HERC1: variants seen among roughly 807,000 people sequenced by gnomAD.
HERC1 encodes probable E3 ubiquitin-protein ligase HERC1.
HERC1 carries 160 observed loss-of-function variants against 554.3 expected under a neutral mutation model. That is an observed-to-expected ratio of 0.29 (90% CI 0.25 to 0.33). The LOEUF (loss-of-function observed/expected upper bound fraction) is 0.33. Among genes scored for constraint, HERC1 ranks in the 10% least tolerant of loss-of-function variants. HERC1 has a pLI of 1.00. For synonymous variants in HERC1, 2,175 were observed against 2,131.7 expected (o/e 1.02, Z -0.56); for missense variants, 4,919 against 5,918.5 (o/e 0.83, Z 5.54).
intron 1 of HERC1, among the ~76,000 whole-genome samples, chr15:63,829,478 A>AT (rs1491502172): frequency 0.34 from 20,584 of 60,688 alleles, 2,563 homozygotes; most frequent in Non-Finnish European, 0.41. Context: ...ATGTTTATAT[A>AT]AATATATATA....
intron 25 of HERC1, among the ~76,000 whole-genome samples, chr15:63,702,796 T>C (rs1337658098): frequency 2.0e-5 from 3 of 152,312 alleles, no homozygotes; most frequent in Non-Finnish European, 4.4e-5. Context: ...AAATGTTTCA[T>C]CCACCTCTTT....
chr15:63,669,591 C>T lies in HERC1; in HGVS notation c.8153G>A (p.Arg2718Lys). The change falls in exon 40 of 78, where the codon AGG becomes AAG. Residue 2718 changes from arginine (R) to lysine (K), a missense_variant. Physicochemically the swap from Arg to Lys is conservative, Grantham distance 26 (BLOSUM62 2). This residue lies in a region of HERC1 where 1,963 missense variants were observed against 2,228.6 expected (regional missense o/e 0.88). Transcript: ENST00000443617. ...GGAATCAGGAGAAGTTAAACTTTGC[C>T]TCCTTCCTACTTCATCAGAAGGAGA... The part of the protein sequence containing the change: ...PTSPSDEVGR[R>K]QSLTSPDSQS... The T allele has an allele frequency of 6.2e-7, 1 of 1,613,876 alleles. No individual in the cohort carries two copies. The highest frequency in any genetic ancestry group is 8.5e-7 in the Non-Finnish European group (1 of 1,179,774).
intron 68 of HERC1, among the ~76,000 whole-genome samples, chr15:63,631,245 G>C (rs767663156): frequency 1.8e-4 from 27 of 152,134 alleles, no homozygotes; most frequent in Non-Finnish European, 2.8e-4. Flanking sequence ...CTTCTAGAGG[G>C]TGCCAGCCAG....
At chr15:63,805,804 A>G (rs2077119963) in intron 1 of HERC1, among the ~76,000 whole-genome samples, 1 of 152,042 alleles carries the variant, frequency 6.6e-6, no homozygotes, top group South Asian at 2.1e-4. Context: ...TTAGCCATGT[A>G]TAGTGGTACG....
At chr15:63,782,351 C>T (rs1270488032) in intron 1 of HERC1, among the ~76,000 whole-genome samples, 1 of 152,128 alleles carries the variant, frequency 6.6e-6, no homozygotes, top group Non-Finnish European at 1.5e-5. Flanking sequence ...ACCTAGGGCA[C>T]CTAAGAATTA....
chr15:63,810,184 T>C (rs1015473606), intron 1 of HERC1, among the ~76,000 whole-genome samples: 1 of 152,138 alleles, frequency 6.6e-6, no homozygotes, highest in Admixed American at 6.5e-5. Flanking sequence ...TACAAAAGAA[T>C]TAAAAGCAGA....
intron 1 of HERC1, among the ~76,000 whole-genome samples, chr15:63,783,005 G>C (rs1184356192): frequency 2.0e-5 from 3 of 152,198 alleles, no homozygotes; most frequent in African/African-American, 7.2e-5. Flanking sequence ...TTATGGATGA[G>C]CAAAGAAAGT....
At chr15:63,754,874 A>C (rs997710852) in intron 6 of HERC1, among the ~76,000 whole-genome samples, 1 of 152,126 alleles carries the variant, frequency 6.6e-6, no homozygotes, top group Non-Finnish European at 1.5e-5. Flanking sequence ...TATTCTTTTC[A>C]TGCTCCCCTC....
Position 63,756,656 on chromosome 15 carries a change from T to C in HERC1, c.1314A>G (p.Gly438=), listed in dbSNP as rs1352677534. 12 of 1,613,246 alleles carry C rather than the reference T, an allele frequency of 7.4e-6. No homozygotes were observed. The Admixed American group carries it at 1.3e-4, about 18-fold the overall frequency. The part of the protein sequence containing the change: ...GKGSYGRLGL[G]DSNNQSTLKK... ...TTAAAGTTGACTGATTATTGGAGTC[T>C]CCAAGGCCCAGTCTCCCATAGCTGC... is the stretch of plus-strand genomic sequence containing the variant. Residue 438 remains glycine (G), a synonymous_variant, in exon 5 of 78, where the codon GGA becomes GGG. Coordinates refer to ENST00000443617, the MANE Select transcript of HERC1 (RefSeq NM_003922.4). The surrounding 1 kb of genome is among the most constrained non-coding windows in gnomAD (Gnocchi z 5.0).
At position 63,684,936 on chromosome 15, in the gene HERC1, G is replaced by A. The variant is rs936891861; in HGVS notation, c.6225+1423C>T. On this transcript the variant is annotated intron_variant, in intron 34 of 77. Coordinates refer to ENST00000443617, the MANE Select transcript of HERC1 (RefSeq NM_003922.4). ...AGGCAGGAGAATCGCTTGAACCCAG[G>A]AGGCGGAGGTTGCAGTGAGCCAAGA... Among the ~76,000 whole-genome samples the A allele has an allele frequency of 2.0e-5, 3 of 152,232 alleles. 1 individual carries two copies. In the South Asian group the frequency reaches 6.2e-4, roughly 32 times the overall value.
chr15:63,676,374 T>A (rs935630244), intron 37 of HERC1, among the ~76,000 whole-genome samples: 2 of 152,222 alleles, frequency 1.3e-5, no homozygotes, highest in African/African-American at 4.8e-5. Context: ...GTAAAGTTTA[T>A]GTGTATGTAT....
chr15:63,728,863 C>T (rs139189404), intron 16 of HERC1, among the ~76,000 whole-genome samples: 1 of 148,960 alleles, frequency 6.7e-6, no homozygotes, highest in African/African-American at 2.5e-5. Context: ...TACACAGAAG[C>T]CCAAAGAAAG....
chr15:63,720,752 T>A (rs1247585059), intron 19 of HERC1, among the ~76,000 whole-genome samples: 12 of 152,176 alleles, frequency 7.9e-5, no homozygotes, highest in Non-Finnish European at 1.5e-5. Flanking sequence ...AGAACTGCTA[T>A]GACTAAAAAA....
At chr15:63,664,083 C>G (rs570304258) in intron 43 of HERC1, among the ~76,000 whole-genome samples, 1 of 152,348 alleles carries the variant, frequency 6.6e-6, no homozygotes, top group East Asian at 1.9e-4. Flanking sequence ...AGCAGTACAT[C>G]AGAAAAGCCA....
chr15:63,689,265 C>A (rs547481376), intron 33 of HERC1, among the ~76,000 whole-genome samples: 3 of 152,228 alleles, frequency 2.0e-5, no homozygotes, highest in South Asian at 2.1e-4. Flanking sequence ...TACTTTGATA[C>A]AAGATAAATG....
intron 12 of HERC1, among the ~76,000 whole-genome samples, chr15:63,737,504 A>ATATATCTC (rs2074582511): frequency 1.3e-5 from 1 of 76,066 alleles, no homozygotes; most frequent in African/African-American, 4.2e-5. Context: ...ACATATATAT[A>ATATATCTC]TCTTTTTTCC....
At chr15:63,726,245 G>A (rs991937710) in intron 17 of HERC1, among the ~76,000 whole-genome samples, 3 of 152,288 alleles carry the variant, frequency 2.0e-5, no homozygotes, top group Middle Eastern at 3.4e-3. Flanking sequence ...GCCTCCCAAA[G>A]TGCTGGGATT....
chr15:63,747,615 C>T (rs1029125948), intron 11 of HERC1, 109 bp downstream of exon 11: 1 of 598,338 alleles, frequency 1.7e-6, no homozygotes, highest in Admixed American at 3.7e-5. Flanking sequence ...ATTTGGGAAA[C>T]CAAACAAGAA....
At position 63,775,690 on chromosome 15, in the gene HERC1, G is replaced by C. The variant is rs1300808653; in HGVS notation, c.-26-41C>G. 1.6e-6 allele frequency: 2 copies of C among 1,276,256 alleles called. No individual in the cohort carries two copies. The highest frequency in any genetic ancestry group is 2.2e-6 in the Non-Finnish European group (2 of 915,200). The allele number at this position is 1,276,256 out of a possible 1,614,324, so 79.1% of individuals were successfully genotyped here. On this transcript the variant is annotated intron_variant, in intron 1 of 77. Transcript: ENST00000443617. This position sits in a 1 kb window ranked among gnomAD's most constrained non-coding sequence, Gnocchi z 4.0. ...AGAAAACAGTCAAAAACATACAGAGGACTCATAAAATGTTTCCAAAATTTC... is the reference window on the plus strand; with the variant it reads ...AGAAAACAGTCAAAAACATACAGAGCACTCATAAAATGTTTCCAAAATTTC...
Sources: allele counts gnomAD v4.1 joint callset (sites outside exome capture counted in the v4.1 genomes callset), GRCh38; gene constraint gnomAD v4.1.1; regional missense constraint gnomAD v4.1.1; non-coding constraint Gnocchi (gnomAD v3.1); transcripts MANE v1.5; gene names NCBI Gene and HGNC (gene_info 2026-07-23, HGNC 2026-07-21).